The following MAGI2 variants were observed in gnomAD, a reference collection of about 807,000 sequenced individuals.
MAGI2 encodes the protein membrane-associated guanylate kinase, WW and PDZ domain-containing protein 2.
In MAGI2, 35 loss-of-function variants were observed where a neutral mutation model predicts 133.3. The ratio of observed to expected loss-of-function variants is 0.26; its 90% CI spans 0.20 to 0.35. MAGI2 has a LOEUF of 0.35. MAGI2 is among the 10% of genes least tolerant of loss of function. The probability of loss-of-function intolerance (pLI) is 1.00; values close to 1 mark genes in which losing one functional copy is unlikely to be tolerated. For synonymous variants in MAGI2, 729 were observed against 710.6 expected, an observed-to-expected ratio of 1.03 and a Z score of -0.41; for missense variants, 1,636 against 1,863.4, an observed-to-expected ratio of 0.88 and a Z score of 2.25.
chr7:78,131,222 A>T (rs957306306), intron 18 of MAGI2, among the ~76,000 whole-genome samples: 3 of 152,180 alleles, frequency 2.0e-5, no homozygotes, highest in Non-Finnish European at 4.4e-5. Context: ...TTACTGAGAC[A>T]CTCAGGACCT....
intron 1 of MAGI2, among the ~76,000 whole-genome samples, chr7:79,115,933 A>C (rs923501091): frequency 6.8e-6 from 1 of 147,228 alleles, no homozygotes; most frequent in African/African-American, 2.6e-5. Context: ...GCAGGTCTTA[A>C]CATAAAACAC....
chr7:78,909,130 A>C (rs1798197724), intron 2 of MAGI2, among the ~76,000 whole-genome samples: 2 of 151,662 alleles, frequency 1.3e-5, no homozygotes, highest in Non-Finnish European at 2.9e-5. Context: ...AAAAAAAAAA[A>C]ACCCCATCAA....
intron 1 of MAGI2, among the ~76,000 whole-genome samples, chr7:79,250,997 C>G (rs1040507563): frequency 1.3e-5 from 2 of 152,154 alleles, no homozygotes; most frequent in Non-Finnish European, 2.9e-5. Flanking sequence ...AAGTGACAGT[C>G]TCTTCAATAA....
chr7:78,862,399 T>C (rs2151503437), intron 2 of MAGI2, among the ~76,000 whole-genome samples: 1 of 152,286 alleles, frequency 6.6e-6, no homozygotes, highest in Middle Eastern at 3.4e-3. Flanking sequence ...TTGGCAAAGA[T>C]TTCTGGGTGC....
At position 78,169,125 on chromosome 7, in the gene MAGI2, A is replaced by G. The variant is rs114002063; in HGVS notation, c.2404-1017T>C. Among the ~76,000 whole-genome samples, 1,028 of 152,362 alleles carry G rather than the reference A, an allele frequency of 6.7e-3. 10 individuals are homozygous for G. The highest frequency in any genetic ancestry group is 0.023 in the African/African-American group (973 of 41,582). On this transcript the variant is annotated intron_variant, in intron 14 of 21. Coordinates refer to ENST00000354212, the MANE Select transcript of MAGI2 (RefSeq NM_012301.4). ...CAGGGACTGTGATGAAAGGCAACAC[A>G]TAAGTTTTCCCATGTCCCATTAGAG...
intron 4 of MAGI2, among the ~76,000 whole-genome samples, chr7:78,504,601 A>G (rs759200925): frequency 6.6e-6 from 1 of 152,180 alleles, no homozygotes; most frequent in Non-Finnish European, 1.5e-5. Flanking sequence ...AAATTCTACA[A>G]TTGTTTGGGA....
At chr7:78,597,602 C>T (rs1804748826) in intron 3 of MAGI2, among the ~76,000 whole-genome samples, 1 of 152,140 alleles carries the variant, frequency 6.6e-6, no homozygotes, top group African/African-American at 2.4e-5. Flanking sequence ...TTATACATCA[C>T]TAAATGGTTT....
At chr7:79,172,398 T>A (rs1825702068) in intron 1 of MAGI2, among the ~76,000 whole-genome samples, 1 of 152,038 alleles carries the variant, frequency 6.6e-6, no homozygotes, top group Non-Finnish European at 1.5e-5. Context: ...AATCTCTTTT[T>A]TTGGACAAAT....
intron 1 of MAGI2, among the ~76,000 whole-genome samples, chr7:79,228,226 A>G (rs10953806): frequency 0.64 from 95,980 of 150,502 alleles, 31,300 homozygotes; most frequent in Non-Finnish European, 0.7. Flanking sequence ...TACCTGTAGT[A>G]CTAGCTACTC....
intron 12 of MAGI2, among the ~76,000 whole-genome samples, chr7:78,191,295 A>G (rs1344741547): frequency 1.3e-5 from 2 of 152,186 alleles, no homozygotes; most frequent in Non-Finnish European, 2.9e-5. Flanking sequence ...GGTACTTAAC[A>G]CATAATATTG....
chr7:78,694,574 CA>C (rs1420872317), intron 2 of MAGI2, among the ~76,000 whole-genome samples: 1 of 152,136 alleles, frequency 6.6e-6, no homozygotes, highest in Non-Finnish European at 1.5e-5. Flanking sequence ...GGAGTGCCCA[CA>C]ACTTACTTTA....
chr7:78,636,351 C>CTTTTT (rs34984460), intron 2 of MAGI2, among the ~76,000 whole-genome samples: 3 of 129,222 alleles, frequency 2.3e-5, no homozygotes, highest in Non-Finnish European at 4.9e-5. Flanking sequence ...CAAAAACAGG[C>CTTTTT]TTTTTTTTTT....
chr7:78,133,074 C>T lies in MAGI2; in HGVS notation c.3032-14G>A, dbSNP rs372231160. On this transcript the variant is annotated splice_polypyrimidine_tract_variant and intron_variant, in intron 17 of 21. Coordinates refer to ENST00000354212, the MANE Select transcript of MAGI2 (RefSeq NM_012301.4). Reference sequence around the variant, plus strand: ...GGCTGTTGAGCTCTGCGATGGAGAACCAAAGCGGCAGATGCAGTCAGGTTA... The same window carrying T: ...GGCTGTTGAGCTCTGCGATGGAGAATCAAAGCGGCAGATGCAGTCAGGTTA... 6 of 1,528,018 alleles carry T rather than the reference C, an allele frequency of 3.9e-6. No individual in the cohort carries two copies. The highest frequency in any genetic ancestry group is 2.3e-5 in the East Asian group (1 of 42,692). The allele number at this position is 1,528,018 out of a possible 1,614,324, so 94.7% of individuals were successfully genotyped here.
chr7:79,256,239 C>G (rs1563051613), intron 1 of MAGI2, among the ~76,000 whole-genome samples: 2 of 152,082 alleles, frequency 1.3e-5, no homozygotes, highest in African/African-American at 2.4e-5. Context: ...TTTTATTTTC[C>G]TTTCGAGATG....
At chr7:78,067,178 C>T (rs906077804) in intron 21 of MAGI2, among the ~76,000 whole-genome samples, 15 of 152,180 alleles carry the variant, frequency 9.9e-5, no homozygotes, top group African/African-American at 3.4e-4. Flanking sequence ...CCACTTAGCC[C>T]TGCCAAGATG....
intron 1 of MAGI2, among the ~76,000 whole-genome samples, chr7:79,329,691 C>T (rs1436838872): frequency 6.6e-6 from 1 of 152,192 alleles, no homozygotes; most frequent in South Asian, 2.1e-4. Context: ...CAACCAAATC[C>T]TCTGGGCTCC....
At chr7:78,770,192 T>C (rs1207030338) in intron 2 of MAGI2, among the ~76,000 whole-genome samples, 1 of 152,244 alleles carries the variant, frequency 6.6e-6, no homozygotes, top group East Asian at 1.9e-4. Flanking sequence ...ATTATGTGTT[T>C]GTTTTACACA....
At chr7:78,596,207 T>G (rs581959) in intron 3 of MAGI2, among the ~76,000 whole-genome samples, 1,973 of 44,396 alleles carry the variant, frequency 0.044, no homozygotes, top group Middle Eastern at 0.069. Flanking sequence ...AGGGAAGGAA[T>G]GAAGGAAGGG....
chr7:79,446,039 C>T (rs995847398), intron 1 of MAGI2, among the ~76,000 whole-genome samples: 4 of 152,114 alleles, frequency 2.6e-5, no homozygotes, highest in Admixed American at 6.6e-5. Context: ...AGCTGGAAAC[C>T]GTCATTCTCA....
Sources: gnomAD v4.1 joint callset for allele counts (sites outside exome capture counted in the v4.1 genomes callset) on GRCh38, gnomAD v4.1.1 for gene constraint, MANE v1.5 for transcripts, NCBI Gene and HGNC (gene_info 2026-07-23, HGNC 2026-07-21) for gene names.